XG: variants seen among roughly 807,000 people sequenced by gnomAD.
XG encodes Xg glycoprotein (Xg blood group).
A neutral mutation model predicts 25.7 loss-of-function variants in XG; 24 were observed. The ratio of observed to expected loss-of-function variants is 0.93; its 90% confidence interval spans 0.68 to 1.31. The LOEUF is 1.31. Ranked by LOEUF, XG falls within the 40% of genes most tolerant of loss-of-function variation. The pLI is 0.00. For synonymous variants in XG, 77 were observed against 69.2 expected (o/e 1.11, Z -0.56); for missense variants, 181 against 187.6 (o/e 0.96, Z 0.21).
At chrX:2,772,924 C>T (rs2050854172) in intron 2 of XG, among the ~76,000 whole-genome samples, 2 of 152,140 alleles carry the variant, frequency 1.3e-5, no homozygotes. Flanking sequence ...GCAGAGGAAC[C>T]ACAGTCACCT....
chrX:2,758,951 T>A (rs1312244692), intron 1 of XG, among the ~76,000 whole-genome samples: 1 of 33,744 alleles, frequency 3.0e-5, no homozygotes, highest in African/African-American at 9.0e-5. Flanking sequence ...CTATTATCTA[T>A]CTATTTATCT....
chrX:2,774,775 C>T (rs185552822), intron 3 of XG, 36 bp downstream of exon 3: 22 of 1,613,314 alleles, frequency 1.4e-5, no homozygotes, highest in Non-Finnish European at 1.9e-5. Flanking sequence ...ACTGAGGCAA[C>T]GTCCTTGAAC....
At chrX:2,773,317 A>G (rs1164691343) in intron 2 of XG, among the ~76,000 whole-genome samples, 9 of 148,286 alleles carry the variant, frequency 6.1e-5, no homozygotes, top group African/African-American at 2.2e-4. Context: ...GGAAGAAAGG[A>G]GGGGGGAAGG....
rs376220009 is a variant in XG at position 2,807,948 on chromosome X, A to G, written c.419-237A>G. On this transcript the variant is annotated intron_variant, in intron 8 of 10. Coordinates refer to ENST00000644266, the MANE Select transcript of XG (RefSeq NM_001141919.2). ...TCTCCAATCCTGAAATTAAAGCTGC[A>G]TCTCCCTCTCCCTGGTATTATCCCC... 1.7e-4 allele frequency among the ~76,000 whole-genome samples: 19 copies of G among 111,406 alleles called. No individual in the cohort carries two copies. In the South Asian group the frequency reaches 4.6e-3, roughly 27 times the overall value.
At chrX:2,777,426 T>C (rs898357134) in intron 3 of XG, among the ~76,000 whole-genome samples, 2 of 150,952 alleles carry the variant, frequency 1.3e-5, no homozygotes, top group Admixed American at 6.6e-5. Context: ...AAATGAAGAG[T>C]AAAATTAAAT....
intron 1 of XG, among the ~76,000 whole-genome samples, chrX:2,766,708 G>A (rs1376995114): frequency 7.9e-5 from 12 of 151,108 alleles, no homozygotes; most frequent in Admixed American, 5.3e-4. Flanking sequence ...GGGACTACAG[G>A]CGCCCGCCAC....
intron 3 of XG, among the ~76,000 whole-genome samples, chrX:2,778,144 C>T (rs1228494313): frequency 1.3e-5 from 2 of 152,144 alleles, no homozygotes; most frequent in Admixed American, 1.3e-4. Context: ...ACCCAGCCTG[C>T]ACCTCAGGTT....
At chrX:2,779,182 T>C (rs1378139656) in intron 3 of XG, among the ~76,000 whole-genome samples, 1 of 151,800 alleles carries the variant, frequency 6.6e-6, no homozygotes, top group African/African-American at 2.4e-5. Flanking sequence ...AGGTTTTTCT[T>C]AGATACAATA....
At position 2,764,323 on chromosome X, in the gene XG, A is replaced by T. The variant is rs748590026; in HGVS notation, c.62-6227A>T. Among the ~76,000 whole-genome samples, 3 of 152,268 alleles carry T rather than the reference A, an allele frequency of 2.0e-5. No individual in the cohort carries two copies. In the East Asian group the frequency reaches 5.8e-4, roughly 29 times the overall value. ...TCCGTCTATGGAGGAGCCATTCTTTATTCCTCTGCTTTTCTAATAAACTTG... is the reference window on the plus strand; with the variant it reads ...TCCGTCTATGGAGGAGCCATTCTTTTTTCCTCTGCTTTTCTAATAAACTTG... On this transcript the variant is annotated intron_variant, in intron 1 of 10. Transcript: ENST00000644266.
At chrX:2,799,749 C>CA (rs2086917884) in intron 7 of XG, among the ~76,000 whole-genome samples, 1 of 111,303 alleles carries the variant, frequency 9.0e-6, no homozygotes, top group Non-Finnish European at 1.9e-5. Flanking sequence ...ATTTAGGAAC[C>CA]AAAAGGGGGA....
intron 1 of XG, among the ~76,000 whole-genome samples, chrX:2,762,099 C>T (rs1189338573): frequency 1.3e-5 from 2 of 152,144 alleles, no homozygotes; most frequent in African/African-American, 2.4e-5. Flanking sequence ...TCTGGGAAGA[C>T]GGGTTTATAA....
At chrX:2,805,870 C>T (rs973733780) in intron 7 of XG, among the ~76,000 whole-genome samples, 11 of 111,722 alleles carry the variant, frequency 9.8e-5, no homozygotes, top group African/African-American at 2.6e-4. Flanking sequence ...GTTAGGACTG[C>T]GACCTGTGAA....
At chrX:2,772,256 A>C (rs1450978815) in intron 2 of XG, among the ~76,000 whole-genome samples, 2 of 152,148 alleles carry the variant, frequency 1.3e-5, no homozygotes, top group African/African-American at 4.8e-5. Flanking sequence ...TCAAACAGTT[A>C]TTTGTGTACC....
chrX:2,789,579 T>G (rs754470854), intron 4 of XG, 65 bp from the exon 5 acceptor site: 52 of 751,422 alleles, frequency 6.9e-5, no homozygotes, highest in Admixed American at 1.2e-4. Context: ...CATTCTTATT[T>G]ATAGATGGTA....
intron 4 of XG, among the ~76,000 whole-genome samples, chrX:2,786,289 T>G (rs753267712): frequency 3.8e-3 from 249 of 66,112 alleles, no homozygotes; most frequent in Middle Eastern, 0.024. Context: ...AGACAGAGTC[T>G]CACTGTATTG....
intron 8 of XG, among the ~76,000 whole-genome samples, chrX:2,807,381 G>A (rs1040250470): frequency 1.8e-5 from 2 of 113,247 alleles, no homozygotes; most frequent in African/African-American, 6.4e-5. Context: ...AATATATCAT[G>A]TGCATCTGTG....
At chrX:2,801,886 T>C in intron 7 of XG, among the ~76,000 whole-genome samples, 1 of 109,526 alleles carries the variant, frequency 9.1e-6, no homozygotes, top group Non-Finnish European at 1.9e-5. Flanking sequence ...TTTTTCTATT[T>C]TTAGTAGAGA....
At chrX:2,767,625 G>A (rs749560960) in intron 1 of XG, among the ~76,000 whole-genome samples, 8 of 152,236 alleles carry the variant, frequency 5.3e-5, no homozygotes, top group African/African-American at 1.9e-4. Context: ...CAGAGTTAGC[G>A]TTGTCTACCT....
At chrX:2,756,851 C>G (rs2050446316) in intron 1 of XG, among the ~76,000 whole-genome samples, 1 of 152,174 alleles carries the variant, frequency 6.6e-6, no homozygotes. Context: ...ACGGTAGCAT[C>G]TAGGGATGGG....
Sources: allele counts gnomAD v4.1 joint callset (sites outside exome capture counted in the v4.1 genomes callset), GRCh38; gene constraint gnomAD v4.1.1; transcripts MANE v1.5; gene names NCBI Gene and HGNC (gene_info 2026-07-23, HGNC 2026-07-21).